Variants in EML6 observed in about 807,000 individuals in gnomAD.
EML6 encodes the protein echinoderm microtubule-associated protein-like 6.
A neutral mutation model predicts 240.1 loss-of-function variants in EML6; 154 were observed. The observed-to-expected ratio is 0.64, with a 90% CI of 0.56 to 0.73. The LOEUF (loss-of-function observed/expected upper bound fraction) is 0.73, where lower values mean the gene tolerates loss of function less well. EML6 is among the 30% of genes least tolerant of loss of function. The probability of loss-of-function intolerance (pLI) is 0.00; values close to 1 mark genes in which losing one functional copy is unlikely to be tolerated. For synonymous variants in EML6, 1,148 were observed against 899.0 expected (o/e 1.28, Z -4.95); for missense variants, 2,964 against 2,474.6 (o/e 1.20, Z -4.20).
At chr2:54,898,467 CA>C (rs1558663673) in intron 21 of EML6, among the ~76,000 whole-genome samples, 1 of 152,000 alleles carries the variant, frequency 6.6e-6, no homozygotes, top group Non-Finnish European at 1.5e-5. Flanking sequence ...GGGAGGCTTC[CA>C]AAGAGAAGGC....
At chr2:54,813,455 G>C (rs1667950421) in intron 3 of EML6, 64 bp downstream of exon 3, 4 of 1,311,892 alleles carry the variant, frequency 3.0e-6, no homozygotes, top group African/African-American at 1.5e-5. Flanking sequence ...AACTATAATA[G>C]GAATAGCCAG....
chr2:54,810,397 C>T (rs1009175701), intron 2 of EML6, among the ~76,000 whole-genome samples: 1 of 152,072 alleles, frequency 6.6e-6, no homozygotes, highest in Non-Finnish European at 1.5e-5. Context: ...TCTGTTTATT[C>T]CATTCCCCCC....
At chr2:54,960,129 C>T (rs1676427635) in intron 34 of EML6, 91 bp from the exon 35 acceptor site, 1 of 980,328 alleles carries the variant, frequency 1.0e-6, no homozygotes, top group South Asian at 1.4e-5. Context: ...GGCCAGAACC[C>T]TGATGACTGG....
At chr2:54,898,056 G>C (rs1202308587) in intron 21 of EML6, among the ~76,000 whole-genome samples, 1 of 152,208 alleles carries the variant, frequency 6.6e-6, no homozygotes, top group East Asian at 1.9e-4. Context: ...AATAAGGTTG[G>C]GGGAGGGGAG....
At chr2:54,903,857 C>A (rs1423606962) in intron 24 of EML6, among the ~76,000 whole-genome samples, 2 of 152,270 alleles carry the variant, frequency 1.3e-5, no homozygotes, top group Admixed American at 6.5e-5. Flanking sequence ...TGGCTGGTTT[C>A]CCTTTTCCAC....
At chr2:54,884,801 T>C (rs1263960947) in intron 17 of EML6, among the ~76,000 whole-genome samples, 3 of 152,364 alleles carry the variant, frequency 2.0e-5, no homozygotes, top group Admixed American at 1.3e-4. Context: ...TCTGTACTTG[T>C]TATTTTCATT....
At chr2:54,852,275 G>A (rs2033412) in intron 10 of EML6, among the ~76,000 whole-genome samples, 134,182 of 152,258 alleles carry the variant, frequency 0.88, 59,220 homozygotes, top group Non-Finnish European at 0.9. Flanking sequence ...TTTAGTTTGT[G>A]TGATGCTAAA....
intron 35 of EML6, among the ~76,000 whole-genome samples, chr2:54,961,184 G>GTTGTTGTTTTTTTTTTTTTTTTTTTT: frequency 1.4e-4 from 8 of 55,424 alleles, no homozygotes; most frequent in Non-Finnish European, 2.2e-4. Context: ...TCAGGAAGTA[G>GTTGTTGTTTTTTTTTTTTTTTTTTTT]TTTTTTTTTT....
intron 2 of EML6, among the ~76,000 whole-genome samples, chr2:54,780,859 G>A (rs1045435799): frequency 3.9e-5 from 6 of 152,178 alleles, no homozygotes; most frequent in Admixed American, 6.5e-5. Flanking sequence ...GAGTATAATA[G>A]ATGGTTCATT....
At chr2:54,829,953 C>T (rs572279937) in intron 7 of EML6, among the ~76,000 whole-genome samples, 8 of 152,076 alleles carry the variant, frequency 5.3e-5, no homozygotes, top group East Asian at 1.9e-4. Flanking sequence ...AGAAATTGAA[C>T]GGCAGTCTCA....
intron 2 of EML6, among the ~76,000 whole-genome samples, chr2:54,727,527 T>C: frequency 6.6e-6 from 1 of 152,264 alleles, no homozygotes. Context: ...CACAATTTTT[T>C]GTCCTTATGA....
At chr2:54,836,886 C>T (rs1020885160) in intron 7 of EML6, among the ~76,000 whole-genome samples, 1 of 152,182 alleles carries the variant, frequency 6.6e-6, no homozygotes, top group African/African-American at 2.4e-5. Flanking sequence ...CATTTCCAAA[C>T]TCTGTCTTCA....
intron 16 of EML6, among the ~76,000 whole-genome samples, chr2:54,877,400 T>C (rs949524295): frequency 3.3e-5 from 5 of 152,142 alleles, no homozygotes; most frequent in Admixed American, 2.0e-4. Context: ...TCAACATTCA[T>C]TGAAAACTTG....
intron 28 of EML6, among the ~76,000 whole-genome samples, chr2:54,944,334 G>A (rs979217635): frequency 6.6e-6 from 1 of 152,106 alleles, no homozygotes; most frequent in African/African-American, 2.4e-5. Flanking sequence ...ATGCAAGCTG[G>A]AAAACTGGTA....
Position 54,725,251 on chromosome 2 carries a change from A to G in EML6, c.190A>G (p.Ile64Val), listed in dbSNP as rs1364766508. The G allele has an allele frequency of 6.8e-7, 1 of 1,467,542 alleles. No homozygotes were observed. The highest frequency in any genetic ancestry group is 2.3e-5 in the Admixed American group (1 of 43,026). 90.9% of individuals were successfully genotyped at this position (1,467,542 alleles called of 1,614,324 possible). The change falls in exon 2 of 42, where the codon ATT (isoleucine) becomes GTT (valine). Residue 64 changes from isoleucine to valine, a missense_variant. Ile to Val is a conservative substitution (Grantham distance 29). Transcript: ENST00000356458. This position sits in a 1 kb window ranked among gnomAD's most constrained non-coding sequence, Gnocchi z 4.3. ...ATTCTTCCTGGGACACAACGACGAC[A>G]TTATCAGGTAAGGGGGTGGCCAGGG... The part of the protein sequence containing the change: ...QKFFLGHNDD[I>V]ISLALHPDKT...
Position 54,964,734 on chromosome 2 carries a change from G to T in EML6, c.5493+1G>T. Reference sequence around the variant, plus strand: ...TTCTGCGGATGGCAAATACATTCAGGTATGCTTGGGGTTTACTTATATCTG... The same window carrying T: ...TTCTGCGGATGGCAAATACATTCAGTTATGCTTGGGGTTTACTTATATCTG... On this transcript the variant is annotated splice_donor_variant, in intron 38 of 41. Transcript: ENST00000356458. LOFTEE classifies it high-confidence loss of function. The T allele has an allele frequency of 6.4e-7, 1 of 1,551,750 alleles. No homozygotes were observed. Among genetic ancestry groups the T allele is most frequent in the South Asian group, 1.2e-5 (1 of 84,060 alleles).
At chr2:54,968,086 C>T (rs775906195) in intron 39 of EML6, 42 bp from the exon 40 acceptor site, 46 of 1,541,774 alleles carry the variant, frequency 3.0e-5, no homozygotes, top group Non-Finnish European at 3.4e-5. Flanking sequence ...GAGCCTTCGC[C>T]GTGACTTCCT....
chr2:54,958,053 C>T, intron 33 of EML6, 55 bp downstream of exon 33: 1 of 1,433,924 alleles, frequency 7.0e-7, no homozygotes, highest in East Asian at 2.5e-5. Context: ...TGGGCATGGG[C>T]ATGGGCATGG....
At position 54,953,996 on chromosome 2, in the gene EML6, C is replaced by T. The variant is rs1676111757; in HGVS notation, c.4326C>T (p.Ser1442=). 1.3e-6 allele frequency: 2 copies of T among 1,551,256 alleles called. No homozygotes were observed. The highest frequency in any genetic ancestry group is 1.7e-6 in the Non-Finnish European group (2 of 1,146,550). Residue 1442 remains serine, a synonymous_variant, in exon 32 of 42, where the codon TCC becomes TCT. Transcript: ENST00000356458. The part of the protein sequence containing the change: ...VATSQIGTTP[S]IHIWDAMTKH... ...CTCCACACTCAGGGACAACACCTTC[C>T]ATCCACATATGGGACGCCATGACCA...
Sources: allele counts gnomAD v4.1 joint callset (sites outside exome capture counted in the v4.1 genomes callset), GRCh38; gene constraint gnomAD v4.1.1; non-coding constraint Gnocchi (gnomAD v3.1); transcripts MANE v1.5; gene names NCBI Gene and HGNC (gene_info 2026-07-23, HGNC 2026-07-21).